The following TSPAN15 variants were observed in gnomAD, a reference collection of about 807,000 sequenced individuals.
TSPAN15 encodes the protein tetraspanin 15, also known as tetraspanin-15.
Under a neutral mutation model 34.5 loss-of-function variants are expected in TSPAN15, and 20 were observed. That is an observed-to-expected ratio of 0.58 (90% CI 0.41 to 0.84). The LOEUF (loss-of-function observed/expected upper bound fraction) is 0.84, where lower values mean the gene tolerates loss of function less well. Among genes scored for constraint, TSPAN15 ranks in the 40% least tolerant of loss-of-function variants. The probability of loss-of-function intolerance (pLI) is 0.00; values close to 1 mark genes in which losing one functional copy is unlikely to be tolerated. For synonymous variants in TSPAN15, 155 were observed against 153.9 expected, an observed-to-expected ratio of 1.01 and a Z score of -0.05; for missense variants, 313 against 386.1, an observed-to-expected ratio of 0.81 and a Z score of 1.59.
chr10:69,500,500 C>T (rs866529265), intron 5 of TSPAN15, among the ~76,000 whole-genome samples: 2 of 152,146 alleles, frequency 1.3e-5, no homozygotes, highest in Non-Finnish European at 1.5e-5. Context: ...CAGGGTGAGT[C>T]GGCAGGCTGG....
At chr10:69,503,470 T>C (rs567460372) in intron 5 of TSPAN15, among the ~76,000 whole-genome samples, 2 of 152,278 alleles carry the variant, frequency 1.3e-5, no homozygotes, top group Admixed American at 1.3e-4. Flanking sequence ...ACCTATTCAT[T>C]CATTCATTTT....
downstream of TSPAN15, among the ~76,000 whole-genome samples, chr10:69,509,754 T>G (rs1312969083): frequency 6.6e-6 from 1 of 152,228 alleles, no homozygotes; most frequent in African/African-American, 2.4e-5. Context: ...TTGAGTTAAT[T>G]TTTGTATAAG....
the TSPAN15 span, among the ~76,000 whole-genome samples, chr10:69,538,899 G>A: frequency 6.6e-6 from 1 of 152,228 alleles, no homozygotes; most frequent in Non-Finnish European, 1.5e-5. Flanking sequence ...GCCATTCCTT[G>A]TGAGAAGCTT....
At chr10:69,474,962 G>A (rs1005435439) in intron 1 of TSPAN15, among the ~76,000 whole-genome samples, 8 of 152,156 alleles carry the variant, frequency 5.3e-5, no homozygotes, top group Non-Finnish European at 1.5e-5. Context: ...CCTGGCCGGA[G>A]GTCCACCCAG....
chr10:69,522,532 G>A, the TSPAN15 span, among the ~76,000 whole-genome samples: 1 of 145,998 alleles, frequency 6.8e-6, no homozygotes. Flanking sequence ...CCAGGCTACA[G>A]ACAGGTACTG....
the TSPAN15 span, among the ~76,000 whole-genome samples, chr10:69,545,314 G>A: frequency 3.9e-5 from 6 of 152,122 alleles, no homozygotes; most frequent in African/African-American, 1.4e-4. Context: ...CCTGGGCTTT[G>A]GGGACTTCCT....
intron 5 of TSPAN15, among the ~76,000 whole-genome samples, chr10:69,503,103 G>A (rs1173144363): frequency 6.6e-6 from 1 of 152,186 alleles, no homozygotes; most frequent in African/African-American, 2.4e-5. Flanking sequence ...CTCTCCATAG[G>A]GGTTGTGTTT....
chr10:69,487,157 A>T (rs1465121557), intron 3 of TSPAN15, among the ~76,000 whole-genome samples: 19 of 151,952 alleles, frequency 1.3e-4, no homozygotes, highest in Admixed American at 1.2e-3. Flanking sequence ...CCTGGATATA[A>T]GGAGGAATCT....
the TSPAN15 span, among the ~76,000 whole-genome samples, chr10:69,515,357 C>G: frequency 1.3e-5 from 2 of 152,126 alleles, no homozygotes; most frequent in African/African-American, 4.8e-5. Context: ...GTCAGCAGGT[C>G]GCCAGGGCTG....
In TSPAN15 at chr10:69,498,363, T is replaced by C; in HGVS notation, c.537T>C (p.Cys179=). The part of the protein sequence containing the change: ...HDCSAPGPLA[C]GVPYTCCIRN... ...GCAGTGCCCCTGGACCCCTGGCCTG[T>C]GGGGTGCCCTACACCTGCTGCATCA... is the stretch of plus-strand genomic sequence containing the variant. Residue 179 remains cysteine (C), a synonymous_variant, in exon 5 of 8, where the codon TGT becomes TGC. Coordinates refer to ENST00000373290, the MANE Select transcript of TSPAN15 (RefSeq NM_012339.5). 1.2e-6 allele frequency: 2 copies of C among 1,613,844 alleles called. No homozygotes were observed. Among genetic ancestry groups the C allele is most frequent in the Non-Finnish European group, 1.7e-6 (2 of 1,179,956 alleles).
chr10:69,495,464 G>C, intron 3 of TSPAN15, 130 bp from the exon 4 acceptor site: 1 of 655,898 alleles, frequency 1.5e-6, no homozygotes, highest in South Asian at 1.8e-5. Context: ...AGTGGAGGGG[G>C]CTCCATGCTG....
At chr10:69,498,447 T>TA (rs1275783751) in intron 5 of TSPAN15, 51 bp downstream of exon 5, 13 of 1,456,780 alleles carry the variant, frequency 8.9e-6, no homozygotes, top group Middle Eastern at 1.7e-4. Flanking sequence ...CCCCAGGTGG[T>TA]ATAAATGTTC....
At chr10:69,545,252 C>T in the TSPAN15 span, among the ~76,000 whole-genome samples, 1 of 152,150 alleles carries the variant, frequency 6.6e-6, no homozygotes, top group Non-Finnish European at 1.5e-5. Context: ...GGGCATGGCT[C>T]AGGTTAAGCT....
chr10:69,530,595 C>G, the TSPAN15 span, among the ~76,000 whole-genome samples: 1 of 145,780 alleles, frequency 6.9e-6, no homozygotes, highest in African/African-American at 2.5e-5. Context: ...CATTTGAGGT[C>G]AGGAGTTCGA....
the TSPAN15 span, among the ~76,000 whole-genome samples, chr10:69,539,249 G>A: frequency 6.6e-6 from 1 of 152,008 alleles, no homozygotes; most frequent in African/African-American, 2.4e-5. Flanking sequence ...AGACTTGCAG[G>A]AAAGGGTGGG....
chr10:69,503,152 C>T (rs1842244655), intron 5 of TSPAN15, among the ~76,000 whole-genome samples: 2 of 152,128 alleles, frequency 1.3e-5, no homozygotes, highest in South Asian at 4.1e-4. Context: ...TGACTAATGC[C>T]CAGTGGGCAC....
intron 1 of TSPAN15, among the ~76,000 whole-genome samples, chr10:69,452,024 G>A (rs1446690540): frequency 1.3e-5 from 2 of 152,270 alleles, no homozygotes; most frequent in East Asian, 3.9e-4. Flanking sequence ...ACGCCTACCC[G>A]GTAGGACTGA....
In TSPAN15 at chr10:69,472,743, G is replaced by A. The variant is rs74914229; in HGVS notation, c.97-10948G>A. On this transcript the variant is annotated intron_variant, in intron 1 of 7. Coordinates refer to ENST00000373290, the MANE Select transcript of TSPAN15 (RefSeq NM_012339.5). Reference sequence around the variant, plus strand: ...AAGTAACATTTACTGAGCGCCTGCCGGGTCCCAGGAGCTTTTGCGTGGCAT... The same window carrying A: ...AAGTAACATTTACTGAGCGCCTGCCAGGTCCCAGGAGCTTTTGCGTGGCAT... Among the ~76,000 whole-genome samples the A allele has an allele frequency of 4.6e-5, 7 of 152,300 alleles. No individual in the cohort carries two copies. In the East Asian group the frequency reaches 1.2e-3, roughly 25 times the overall value.
downstream of TSPAN15, among the ~76,000 whole-genome samples, chr10:69,507,823 C>T (rs1842368472): frequency 6.6e-6 from 1 of 151,422 alleles, no homozygotes; most frequent in South Asian, 2.1e-4. Flanking sequence ...GGGGGAAAGC[C>T]TCAGGGCCAG....
Sources: allele counts gnomAD v4.1 joint callset (sites outside exome capture counted in the v4.1 genomes callset), GRCh38; gene constraint gnomAD v4.1.1; transcripts MANE v1.5; gene names NCBI Gene and HGNC (gene_info 2026-07-23, HGNC 2026-07-21).